The following SCN4A variants were observed in gnomAD, a reference collection of about 807,000 sequenced individuals.
SCN4A encodes the protein sodium voltage-gated channel alpha subunit 4, also known as sodium channel protein type 4 subunit alpha.
A neutral mutation model predicts 162.0 loss-of-function variants in SCN4A; 83 were observed. The ratio of observed to expected loss-of-function variants is 0.51; its 90% CI spans 0.43 to 0.61. The LOEUF is 0.61. SCN4A is among the 20% of genes least tolerant of loss of function. The pLI, the probability that SCN4A is intolerant of heterozygous loss-of-function variation, is 0.00. For synonymous variants in SCN4A, 944 were observed against 985.1 expected (o/e 0.96, Z 0.78); for missense variants, 2,196 against 2,462.5 (o/e 0.89, Z 2.29).
rs1238260829 is a variant in SCN4A, at chr17:63,941,000, C to T, written c.5282G>A (p.Ser1761Asn). ...SYMYRHSHDGSGDDAPEKEGL... is the reference protein window; with the variant it reads ...SYMYRHSHDGNGDDAPEKEGL... ...CTCCTTCTCAGGGGCGTCATCCCCG[C>T]TGCCGTCGTGGCTGTGGCGGTACAT... Residue 1761 changes from serine (S) to asparagine (N), a missense_variant, in exon 24 of 24, where the codon AGC becomes AAC. Physicochemically the swap from Ser to Asn is conservative, Grantham distance 46. Transcript: ENST00000435607. 7 of 1,613,318 alleles carry T rather than the reference C, an allele frequency of 4.3e-6. No individual in the cohort carries two copies. The African/African-American group carries it at 8.0e-5, about 18-fold the overall frequency.
intron 13 of SCN4A, among the ~76,000 whole-genome samples, chr17:63,955,057 A>T (rs922499109): frequency 2.0e-5 from 3 of 152,218 alleles, no homozygotes; most frequent in Non-Finnish European, 4.4e-5. Flanking sequence ...AATGCTAAAT[A>T]AATGTCAGCT....
chr17:63,965,826 G>A (rs1286706454), intron 8 of SCN4A, among the ~76,000 whole-genome samples: 1 of 152,244 alleles, frequency 6.6e-6, no homozygotes, highest in Non-Finnish European at 1.5e-5. Context: ...TGGCTATCAT[G>A]AGGCCTAGGG....
At chr17:63,948,547 C>A in intron 16 of SCN4A, 64 bp downstream of exon 16, 2 of 1,446,772 alleles carry the variant, frequency 1.4e-6, no homozygotes, top group Middle Eastern at 1.8e-4. Context: ...AGACAGGGAG[C>A]CCCAAGAGGA....
rs776569815 is a variant in SCN4A, at chr17:63,951,727, G to C, written c.2550C>G (p.Ser850Arg). 1.9e-6 allele frequency: 3 copies of C among 1,592,924 alleles called. No individual in the cohort carries two copies. In the South Asian group the frequency reaches 3.4e-5, roughly 18 times the overall value. ...LLGLLHGKILSPKDIMLSLGE... is the reference protein window; with the variant it reads ...LLGLLHGKILRPKDIMLSLGE... The stretch of plus-strand genomic sequence containing the variant: ...CGAGGCTGAGCATGATGTCCTTGGG[G>C]CTCAGGATCTTGCCATGCAGCAGCC... Residue 850 changes from serine to arginine, a missense_variant, in exon 14 of 24, where the codon AGC becomes AGG. Ser to Arg is a moderately radical substitution (Grantham distance 110). Coordinates refer to ENST00000435607, the MANE Select transcript of SCN4A (RefSeq NM_000334.4). The surrounding 1 kb of genome is among the most constrained non-coding windows in gnomAD (Gnocchi z 4.5).
At chr17:63,959,820 T>C (rs1909188418) in intron 11 of SCN4A, among the ~76,000 whole-genome samples, 1 of 152,174 alleles carries the variant, frequency 6.6e-6, no homozygotes, top group Non-Finnish European at 1.5e-5. Context: ...GATTCTCACA[T>C]GCATTCCACA....
intron 8 of SCN4A, among the ~76,000 whole-genome samples, chr17:63,965,137 C>G (rs1026593060): frequency 9.2e-5 from 14 of 151,478 alleles, no homozygotes; most frequent in African/African-American, 3.4e-4. Flanking sequence ...CTCCACCTCC[C>G]AGGTTGAAGT....
chr17:63,961,527 C>G, intron 10 of SCN4A, 96 bp from the exon 11 acceptor site: 2 of 852,140 alleles, frequency 2.3e-6, no homozygotes, highest in Non-Finnish European at 3.9e-6. Context: ...CAAGCCCCGC[C>G]CCTTAGCACT....
Position 63,948,082 on chromosome 17 carries a change from C to T in SCN4A, c.3145-19G>A, listed in dbSNP as rs1023307606. On this transcript the variant is annotated intron_variant, in intron 16 of 23. Transcript: ENST00000435607. ...CGAAGGCCTGGGGGCACCAGCACCA[C>T]CAGGGTGGCTGGGGTCCAGCAGGCT... The T allele has an allele frequency of 6.3e-7, 1 of 1,582,766 alleles. No individual in the cohort carries two copies. Among genetic ancestry groups the T allele is most frequent in the South Asian group, 1.1e-5 (1 of 88,386 alleles).
rs1330258407 is a variant in SCN4A, at chr17:63,939,240, T to A, written c.*1531A>T. 6.5e-6 allele frequency: 1 copy of A among 152,674 alleles called. No individual in the cohort carries two copies. Among genetic ancestry groups the A allele is most frequent in the Admixed American group, 6.5e-5 (1 of 15,280 alleles). The allele number at this position is 152,674 out of a possible 1,614,324, so 9.5% of individuals were successfully genotyped here. On this transcript the variant is annotated 3_prime_UTR_variant, in exon 24 of 24. Coordinates refer to ENST00000435607, the MANE Select transcript of SCN4A (RefSeq NM_000334.4). ...TGCCCTGAGTACACACCTTACCACA[T>A]GCGTTCACACGCATCCACACACTCA...
In SCN4A at chr17:63,941,784, C is replaced by T. The variant is rs1335434398; in HGVS notation, c.4498G>A (p.Gly1500Ser). ...TTGACGTAGGCAAAGTTGGACATGCCGAAGATGGAGTAGATGAACATGACC... is the reference window on the plus strand; with the variant it reads ...TTGACGTAGGCAAAGTTGGACATGCTGAAGATGGAGTAGATGAACATGACC... ...FLVMFIYSIF[G>S]MSNFAYVKKE... is the part of the protein sequence containing the mutation. Residue 1500 changes from glycine to serine, a missense_variant, in exon 24 of 24, where the codon GGC (glycine) becomes AGC (serine). Physicochemically the swap from Gly to Ser is moderately conservative, Grantham distance 56. Transcript: ENST00000435607. This position sits in a 1 kb window ranked among gnomAD's most constrained non-coding sequence, Gnocchi z 6.2. The T allele has an allele frequency of 5.0e-6, 8 of 1,613,942 alleles. No individual in the cohort carries two copies. The African/African-American group carries it at 5.3e-5, about 11-fold the overall frequency.
At position 63,959,298 on chromosome 17, in the gene SCN4A, T is replaced by A. The variant is rs1288364005; in HGVS notation, c.1986A>T (p.Val662=). The A allele has an allele frequency of 3.1e-6, 5 of 1,613,660 alleles. No individual in the cohort carries two copies. Among genetic ancestry groups the A allele is most frequent in the Non-Finnish European group, 4.2e-6 (5 of 1,179,756 alleles). The stretch of plus-strand genomic sequence containing the variant: ...AGGAGCGTAGCACAGACAGTCCCTG[T>A]ACGTTGGCCAGGCCTAGCTCTACCA... ...LSLVELGLAN[V]QGLSVLRSFR... is the part of the protein sequence containing the mutation. Residue 662 remains valine (V), a synonymous_variant, in exon 12 of 24, where the codon GTA becomes GTT. Coordinates refer to ENST00000435607, the MANE Select transcript of SCN4A (RefSeq NM_000334.4).
At chr17:63,954,297 C>T (rs1301587113) in intron 13 of SCN4A, among the ~76,000 whole-genome samples, 1 of 152,214 alleles carries the variant, frequency 6.6e-6, no homozygotes, top group South Asian at 2.1e-4. Context: ...CCATGGCTCC[C>T]TTCCTCCCCG....
intron 3 of SCN4A, 61 bp from the exon 4 acceptor site, chr17:63,971,911 C>T (rs1016924955): frequency 4.0e-5 from 61 of 1,542,070 alleles, no homozygotes; most frequent in Middle Eastern, 1.7e-4. Flanking sequence ...AGTGTGGCAA[C>T]GACAGACCCC....
rs778417596 is a variant in SCN4A, at chr17:63,941,862, C to T, written c.4420G>A (p.Ala1474Thr). The change falls in exon 24 of 24, where the codon GCC becomes ACC. Residue 1474 changes from alanine (A) to threonine (T), a missense_variant. By Grantham distance (58) the Ala-to-Thr change is moderately conservative. Transcript: ENST00000435607. This position sits in a 1 kb window ranked among gnomAD's most constrained non-coding sequence, Gnocchi z 6.2. ...AGGGCAGGCAGCGACATCATGAGGG[C>T]GAACAGCAGCGTCCGGATGCCCTTG... ...GAKGIRTLLF[A>T]LMMSLPALFN... is the part of the protein sequence containing the mutation. 2.4e-5 allele frequency: 39 copies of T among 1,613,890 alleles called. No homozygotes were observed. In the East Asian group the frequency reaches 3.3e-4, roughly 14 times the overall value.
intron 10 of SCN4A, among the ~76,000 whole-genome samples, chr17:63,962,990 A>G (rs1161404139): frequency 6.6e-6 from 1 of 152,002 alleles, no homozygotes; most frequent in Admixed American, 6.5e-5. Flanking sequence ...AGGGAACCAC[A>G]TCTCTGTGTG....
intron 17 of SCN4A, 116 bp downstream of exon 17, chr17:63,947,774 C>A: frequency 1.0e-6 from 1 of 991,872 alleles, no homozygotes; most frequent in Non-Finnish European, 1.5e-6. Context: ...GATTGAGGGT[C>A]TGACTCTGGG....
rs1192635235 is a variant in SCN4A, at chr17:63,963,701, C to T, written c.1577G>A (p.Gly526Glu). Residue 526 changes from glycine to glutamate, a missense_variant, in exon 10 of 24, where the codon GGA becomes GAA. Transcript: ENST00000435607. ...EKGAPRQSSS[G>E]DSGISDAMEE... ...CATGGCGTCGGAGATGCCGCTGTCT[C>T]CGCTGCTGCTCTGCCTCGGGGCTCC... 16 of 1,596,534 alleles carry T rather than the reference C, an allele frequency of 1.0e-5. No individual in the cohort carries two copies. Among genetic ancestry groups the T allele is most frequent in the Admixed American group, 1.7e-5 (1 of 59,314 alleles).
intron 13 of SCN4A, among the ~76,000 whole-genome samples, chr17:63,954,388 T>C (rs993156692): frequency 6.6e-6 from 1 of 152,060 alleles, no homozygotes; most frequent in African/African-American, 2.4e-5. Context: ...GGGGGAGGCA[T>C]CCAGTTGCCA....
intron 15 of SCN4A, among the ~76,000 whole-genome samples, chr17:63,949,176 T>C (rs558321823): frequency 6.6e-6 from 1 of 152,292 alleles, no homozygotes; most frequent in Non-Finnish European, 1.5e-5. Flanking sequence ...ACACCCACAC[T>C]CCTGCACGTT....
Sources: allele counts gnomAD v4.1 joint callset (sites outside exome capture counted in the v4.1 genomes callset), GRCh38; gene constraint gnomAD v4.1.1; non-coding constraint Gnocchi (gnomAD v3.1); transcripts MANE v1.5; gene names NCBI Gene and HGNC (gene_info 2026-07-23, HGNC 2026-07-21).